The following ABCA6 variants were observed in gnomAD, a reference collection of about 807,000 sequenced individuals.
ABCA6 encodes the protein ATP binding cassette subfamily A member 6, also known as ATP-binding cassette sub-family A member 6.
ABCA6 carries 164 observed loss-of-function variants against 191.2 expected under a neutral mutation model. The observed-to-expected ratio is 0.86, with a 90% CI of 0.76 to 0.98. The LOEUF (loss-of-function observed/expected upper bound fraction) is 0.98, where lower values mean the gene tolerates loss of function less well. Ranked by LOEUF, ABCA6 falls within the 50% of genes least tolerant of loss-of-function variation. The pLI, the probability that ABCA6 is intolerant of heterozygous loss-of-function variation, is 0.00. For missense variants in ABCA6, 1,958 were observed against 1,894.1 expected (o/e 1.03, Z -0.63); for synonymous variants, 636 against 647.7 (o/e 0.98, Z 0.27).
At chr17:69,128,981 G>C (rs149189038) in intron 7 of ABCA6, among the ~76,000 whole-genome samples, 177 bp from the exon 8 acceptor site, 5 of 152,126 alleles carry the variant, frequency 3.3e-5, no homozygotes, top group Non-Finnish European at 7.4e-5. Context: ...CTTGAAAAAG[G>C]ATCCTTGTTT....
intron 26 of ABCA6, among the ~76,000 whole-genome samples, chr17:69,089,967 T>G (rs1421414288): frequency 6.6e-6 from 1 of 152,196 alleles, no homozygotes; most frequent in African/African-American, 2.4e-5. Context: ...CTTATCCCAA[T>G]GGTGACTATT....
In ABCA6 at chr17:69,096,683, A is replaced by C; in HGVS notation, c.3239T>G (p.Phe1080Cys). 6.4e-7 allele frequency: 1 copy of C among 1,573,672 alleles called. No individual in the cohort carries two copies. Among genetic ancestry groups the C allele is most frequent in the East Asian group, 2.3e-5 (1 of 43,674 alleles). ...AAGGTACTGCATGTTTTCTATGTAG[A>C]AAATTAAATACATTAAAAGGAGAAT... ...ILILLLMYLI[F>C]YIENMQYLLI... Residue 1080 changes from phenylalanine (F) to cysteine (C), a missense_variant, in exon 24 of 39, where the codon TTC (phenylalanine) becomes TGC (cysteine). Physicochemically the swap from Phe to Cys is radical, Grantham distance 205. Coordinates refer to ENST00000284425, the MANE Select transcript of ABCA6 (RefSeq NM_080284.3).
At chr17:69,125,765 T>C (rs1363028716) in intron 8 of ABCA6, among the ~76,000 whole-genome samples, 4 of 152,058 alleles carry the variant, frequency 2.6e-5, no homozygotes, top group Non-Finnish European at 4.4e-5. Flanking sequence ...ATTCTAGGAA[T>C]CCAAAATTGA....
chr17:69,082,098 C>A (rs917278512), intron 36 of ABCA6, among the ~76,000 whole-genome samples: 3 of 152,152 alleles, frequency 2.0e-5, no homozygotes, highest in Non-Finnish European at 4.4e-5. Flanking sequence ...GATCTTCCCA[C>A]CTATATCAGA....
chr17:69,098,680 C>T (rs1017756530), intron 22 of ABCA6: 4 of 139,446 alleles, frequency 2.9e-5, no homozygotes, highest in Non-Finnish European at 6.3e-5. Flanking sequence ...ACAACATAGA[C>T]GAACCTGGAA....
Position 69,083,003 on chromosome 17 carries a change from A to T in ABCA6, c.4486T>A (p.Ser1496Thr), listed in dbSNP as rs1567993615. The change falls in exon 36 of 39, where the codon TCC becomes ACC. Residue 1496 changes from serine (S) to threonine (T), a missense_variant. By Grantham distance (58) the Ser-to-Thr change is moderately conservative (BLOSUM62 1). Transcript: ENST00000284425. ...MVSGRLRCIG[S>T]IQHLKNKLGK... Reference sequence around the variant, plus strand: ...AGTTTGTTTTTCAGGTGTTGGATGGAGCCAATGCATCTATGGGCAAGAAAG... The same window carrying T: ...AGTTTGTTTTTCAGGTGTTGGATGGTGCCAATGCATCTATGGGCAAGAAAG... The T allele has an allele frequency of 1.9e-6, 3 of 1,614,076 alleles. No individual in the cohort carries two copies. Among genetic ancestry groups the T allele is most frequent in the Admixed American group, 3.3e-5 (2 of 60,006 alleles).
chr17:69,102,093 C>G (rs904754770), intron 21 of ABCA6, among the ~76,000 whole-genome samples: 8 of 152,100 alleles, frequency 5.3e-5, no homozygotes, highest in African/African-American at 1.9e-4. Context: ...TGCCTGTAAT[C>G]CCAGCATTTT....
Position 69,136,233 on chromosome 17 carries a change from C to A in ABCA6, c.319G>T (p.Ala107Ser). 1 of 1,565,902 alleles carries A rather than the reference C, an allele frequency of 6.4e-7. No individual in the cohort carries two copies. Among genetic ancestry groups the A allele is most frequent in the East Asian group, 2.3e-5 (1 of 43,906 alleles). Residue 107 changes from alanine (A) to serine (S), a missense_variant, in exon 4 of 39, where the codon GCA (alanine) becomes TCA (serine). Coordinates refer to ENST00000284425, the MANE Select transcript of ABCA6 (RefSeq NM_080284.3). ...PLLKGTSVIG[A>S]PNKTHMDEIL... Reference sequence around the variant, plus strand: ...TCGTCCATGTGTGTTTTATTTGGTGCCCCAATGACACTTGTTCCTGTGAAT... The same window carrying A: ...TCGTCCATGTGTGTTTTATTTGGTGACCCAATGACACTTGTTCCTGTGAAT...
intron 16 of ABCA6, chr17:69,111,541 G>A (rs1260595391): frequency 6.6e-6 from 1 of 152,230 alleles, no homozygotes; most frequent in Non-Finnish European, 1.5e-5. Flanking sequence ...GTTTTATAAG[G>A]GGCTTTTCCC....
chr17:69,123,105 T>C (rs897215166), intron 10 of ABCA6, 134 bp downstream of exon 10: 9 of 380,834 alleles, frequency 2.4e-5, no homozygotes, highest in Non-Finnish European at 3.1e-5. Context: ...ATGGCACATG[T>C]ATACATATGT....
intron 6 of ABCA6, among the ~76,000 whole-genome samples, chr17:69,131,609 A>G (rs930164309): frequency 4.6e-5 from 7 of 152,240 alleles, no homozygotes; most frequent in African/African-American, 1.7e-4. Flanking sequence ...TACTTAAAGA[A>G]TAAATACTGA....
At position 69,112,255 on chromosome 17, in the gene ABCA6, G is replaced by T; in HGVS notation, c.2060C>A (p.Ser687Tyr). ...ACCTGCACACTTCAGTCTCCCATTG[G>T]ACATGATCACTTTTCTATCTGAATG... ...DILADRKVIM[S>Y]NGRLKCAGSS... Residue 687 changes from serine to tyrosine, a missense_variant, in exon 16 of 39, where the codon TCC (serine) becomes TAC (tyrosine). Transcript: ENST00000284425. 3 of 1,611,896 alleles carry T rather than the reference G, an allele frequency of 1.9e-6. No homozygotes were observed. Among genetic ancestry groups the T allele is most frequent in the Non-Finnish European group, 2.5e-6 (3 of 1,178,632 alleles).
At chr17:69,104,551 A>AG (rs540322299) in intron 20 of ABCA6, 29 of 151,854 alleles carry the variant, frequency 1.9e-4, no homozygotes, top group African/African-American at 6.0e-4. Context: ...CAGCAAGGGA[A>AG]GACTCTTACT....
At chr17:69,083,089 T>C in intron 35 of ABCA6, 76 bp from the exon 36 acceptor site, 1 of 1,589,292 alleles carries the variant, frequency 6.3e-7, no homozygotes, top group Admixed American at 1.7e-5. Context: ...ATTTCAAATG[T>C]AGAAGAAAAG....
At chr17:69,090,728 T>C (rs1568001085) in intron 26 of ABCA6, among the ~76,000 whole-genome samples, 1 of 152,214 alleles carries the variant, frequency 6.6e-6, no homozygotes, top group Non-Finnish European at 1.5e-5. Flanking sequence ...TATTTTTGAA[T>C]GATTGAATGG....
In ABCA6 at chr17:69,128,890, T is replaced by C. The variant is rs2073807758; in HGVS notation, c.934-86A>G. The C allele has an allele frequency of 2.3e-5, 24 of 1,031,716 alleles. No homozygotes were observed. The South Asian group carries it at 4.5e-4, about 19-fold the overall frequency. The allele number at this position is 1,031,716 out of a possible 1,614,324, so 63.9% of individuals were successfully genotyped here. A position where few individuals can be genotyped will look rare whatever the true frequency, so the allele number is the denominator to read the frequency against. ...GGCAGCCCAATCAAATAAGGATTTT[T>C]ATATCATAACATAAATATTTATCAG... On this transcript the variant is annotated intron_variant, in intron 7 of 38. Transcript: ENST00000284425.
intron 34 of ABCA6, among the ~76,000 whole-genome samples, chr17:69,083,740 T>C (rs915035750): frequency 1.3e-5 from 2 of 152,190 alleles, no homozygotes; most frequent in Admixed American, 6.5e-5. Flanking sequence ...ACAAAGTTTT[T>C]GTTAAAGTTG....
At chr17:69,086,158 C>A in intron 30 of ABCA6, among the ~76,000 whole-genome samples, 1 of 151,882 alleles carries the variant, frequency 6.6e-6, no homozygotes, top group African/African-American at 2.4e-5. Context: ...CCCAAACTGA[C>A]AAACAAACAA....
chr17:69,113,440 T>C (rs2073471692), intron 14 of ABCA6, 80 bp from the exon 15 acceptor site: 1 of 1,514,316 alleles, frequency 6.6e-7, no homozygotes, highest in Middle Eastern at 1.9e-4. Flanking sequence ...AAACAATAAA[T>C]ACCATAAAAT....
Sources: allele counts gnomAD v4.1 joint callset (sites outside exome capture counted in the v4.1 genomes callset), GRCh38; gene constraint gnomAD v4.1.1; transcripts MANE v1.5; gene names NCBI Gene and HGNC (gene_info 2026-07-23, HGNC 2026-07-21).